SLC49A4: variants seen among roughly 807,000 people sequenced by gnomAD.
SLC49A4 encodes disrupted in renal cancer protein 2.
In SLC49A4, 36 loss-of-function variants were observed where a neutral mutation model predicts 50.6. That is an observed-to-expected ratio of 0.71 (90% confidence interval 0.55 to 0.94). SLC49A4 has a LOEUF of 0.94. Ranked by LOEUF, SLC49A4 falls within the 40% of genes least tolerant of loss-of-function variation. The probability of loss-of-function intolerance (pLI) is 0.00; values close to 1 mark genes in which losing one functional copy is unlikely to be tolerated. For synonymous variants in SLC49A4, 248 were observed against 241.2 expected, an observed-to-expected ratio of 1.03 and a Z score of -0.26; for missense variants, 503 against 605.7, an observed-to-expected ratio of 0.83 and a Z score of 1.78.
At chr3:122,865,728 G>A (rs1937110155) in intron 7 of SLC49A4, among the ~76,000 whole-genome samples, 1 of 152,080 alleles carries the variant, frequency 6.6e-6, no homozygotes. Flanking sequence ...TTGTAATAAA[G>A]GTGTAATCTA....
intron 7 of SLC49A4, among the ~76,000 whole-genome samples, chr3:122,862,285 A>G (rs944337202): frequency 6.6e-6 from 1 of 152,198 alleles, no homozygotes; most frequent in Non-Finnish European, 1.5e-5. Context: ...TGGCCTTGGA[A>G]CACTGAAAAA....
intron 7 of SLC49A4, among the ~76,000 whole-genome samples, chr3:122,869,069 T>A (rs2107582859): frequency 6.6e-6 from 1 of 152,306 alleles, no homozygotes; most frequent in Middle Eastern, 3.4e-3. Flanking sequence ...GCTCACAAAC[T>A]CACATGAAGT....
intron 2 of SLC49A4, among the ~76,000 whole-genome samples, chr3:122,820,043 G>A (rs1936429795): frequency 6.6e-6 from 1 of 152,080 alleles, no homozygotes; most frequent in Non-Finnish European, 1.5e-5. Context: ...TTTCTAAAAA[G>A]CCAACTCGAA....
intron 3 of SLC49A4, among the ~76,000 whole-genome samples, chr3:122,828,304 G>T (rs999306149): frequency 3.3e-5 from 5 of 152,160 alleles, no homozygotes; most frequent in African/African-American, 9.7e-5. Context: ...GCCTACAATT[G>T]CTCTGAGAGC....
At chr3:122,869,413 T>A (rs1319110829) in intron 7 of SLC49A4, among the ~76,000 whole-genome samples, 1 of 152,238 alleles carries the variant, frequency 6.6e-6, no homozygotes, top group African/African-American at 2.4e-5. Context: ...CAGAGGTGCC[T>A]CATTTTTAAT....
At chr3:122,816,989 A>G (rs1936376265) in intron 2 of SLC49A4, among the ~76,000 whole-genome samples, 1 of 152,244 alleles carries the variant, frequency 6.6e-6, no homozygotes, top group Admixed American at 6.5e-5. Flanking sequence ...CCCTGGGGTA[A>G]TAGTTAATCA....
At chr3:122,796,132 G>T (rs546288739) in intron 1 of SLC49A4, among the ~76,000 whole-genome samples, 5 of 152,198 alleles carry the variant, frequency 3.3e-5, no homozygotes, top group Non-Finnish European at 7.3e-5. Context: ...TTGCAGATGA[G>T]TGAAGATGCT....
At chr3:122,850,634 A>G (rs948469658) in intron 5 of SLC49A4, among the ~76,000 whole-genome samples, 2 of 151,524 alleles carry the variant, frequency 1.3e-5, no homozygotes, top group African/African-American at 2.4e-5. Flanking sequence ...CAGCCACCCA[A>G]GTAGCTAGGG....
intron 1 of SLC49A4, among the ~76,000 whole-genome samples, chr3:122,801,019 C>A (rs1182320162): frequency 6.6e-6 from 1 of 152,144 alleles, no homozygotes; most frequent in East Asian, 1.9e-4. Flanking sequence ...CCAGCCTGTT[C>A]TGCTGGGCAA....
intron 2 of SLC49A4, among the ~76,000 whole-genome samples, chr3:122,819,740 A>G (rs930572573): frequency 6.6e-6 from 1 of 151,862 alleles, no homozygotes; most frequent in Non-Finnish European, 1.5e-5. Flanking sequence ...TTTATTGCCC[A>G]CCTTTTCTTG....
At chr3:122,856,515 C>A in intron 6 of SLC49A4, 141 bp downstream of exon 6, 1 of 757,256 alleles carries the variant, frequency 1.3e-6, no homozygotes, top group Non-Finnish European at 2.2e-6. Context: ...GTTCAGAGTA[C>A]AAGAAAATTC....
chr3:122,803,070 CT>C lies in SLC49A4; in HGVS notation c.344-3786del, dbSNP rs776648177. Among the ~76,000 whole-genome samples the C allele has an allele frequency of 8.5e-5, 13 of 152,180 alleles. 2 individuals carry two copies. The highest frequency in any genetic ancestry group is 1.9e-4 in the East Asian group (1 of 5,182). On this transcript the variant is annotated intron_variant, in intron 1 of 8. Coordinates refer to ENST00000261038, the MANE Select transcript of SLC49A4 (RefSeq NM_032839.3). Reference sequence around the variant, plus strand: ...GAACATTTTCCAAATTTAATGACTTCTATAAACCCACAAATCTAAGAAATTT... The same window carrying C: ...GAACATTTTCCAAATTTAATGACTTCATAAACCCACAAATCTAAGAAATTT...
chr3:122,869,251 A>G (rs564069757), intron 7 of SLC49A4, among the ~76,000 whole-genome samples: 2 of 152,210 alleles, frequency 1.3e-5, no homozygotes, highest in East Asian at 3.9e-4. Flanking sequence ...CTCTAAAGGC[A>G]AATCTGATTG....
intron 5 of SLC49A4, among the ~76,000 whole-genome samples, chr3:122,851,715 T>C (rs1936929210): frequency 6.6e-6 from 1 of 152,134 alleles, no homozygotes; most frequent in South Asian, 2.1e-4. Context: ...AGTCAGTGTC[T>C]CTTCAAAACT....
intron 7 of SLC49A4, among the ~76,000 whole-genome samples, chr3:122,868,862 T>C (rs190380969): frequency 1.4e-3 from 211 of 152,372 alleles, no homozygotes; most frequent in Non-Finnish European, 2.4e-3. Context: ...AATTTTTGAT[T>C]ACTGGCCTCT....
intron 5 of SLC49A4, among the ~76,000 whole-genome samples, chr3:122,846,126 G>A (rs1238638026): frequency 1.3e-5 from 2 of 152,182 alleles, no homozygotes; most frequent in Non-Finnish European, 2.9e-5. Flanking sequence ...AAGGAAGGAA[G>A]TCTTAGTTTT....
intron 8 of SLC49A4, among the ~76,000 whole-genome samples, chr3:122,878,249 C>T (rs1288669022): frequency 6.6e-6 from 1 of 152,114 alleles, no homozygotes; most frequent in African/African-American, 2.4e-5. Context: ...AAAAAGGCAC[C>T]AAGGAGCTTA....
Position 122,799,005 on chromosome 3 carries a change from T to G in SLC49A4, c.343+3470T>G, listed in dbSNP as rs112386898. On this transcript the variant is annotated intron_variant, in intron 1 of 8. Coordinates refer to ENST00000261038, the MANE Select transcript of SLC49A4 (RefSeq NM_032839.3). ...AAATGGGTTTGTACCTTCCCACCCT[T>G]TTTCATTTACCAGCAAGGAGACAGA... Among the ~76,000 whole-genome samples the G allele has an allele frequency of 3.6e-3, 544 of 152,102 alleles. 4 individuals carry two copies. Among genetic ancestry groups the G allele is most frequent in the African/African-American group, 0.011 (469 of 41,470 alleles).
At chr3:122,795,626 C>A in intron 1 of SLC49A4, 91 bp downstream of exon 1, 2 of 1,491,336 alleles carry the variant, frequency 1.3e-6, no homozygotes, top group Non-Finnish European at 1.8e-6. Flanking sequence ...CCTCCCTTGG[C>A]CCCGGCATAG....
Sources: allele counts gnomAD v4.1 joint callset (sites outside exome capture counted in the v4.1 genomes callset), GRCh38; gene constraint gnomAD v4.1.1; transcripts MANE v1.5; gene names NCBI Gene and HGNC (gene_info 2026-07-23, HGNC 2026-07-21).